HEMK2: variants seen among roughly 807,000 people sequenced by gnomAD.
HEMK2 encodes HemK methyltransferase 2, ETF1 glutamine and histone H4 lysine.
chr21:28,745,636 G>A, the HEMK2 span, among the ~76,000 whole-genome samples: 1 of 152,110 alleles, frequency 6.6e-6, no homozygotes, highest in Non-Finnish European at 1.5e-5. Flanking sequence ...CTGGATGAAT[G>A]CTCTAATGCT....
chr21:28,863,251 C>T, the HEMK2 span, among the ~76,000 whole-genome samples: 1 of 151,286 alleles, frequency 6.6e-6, no homozygotes, highest in Non-Finnish European at 1.5e-5. Context: ...GCCTTCCAGC[C>T]TATATCTTTC....
the HEMK2 span, among the ~76,000 whole-genome samples, chr21:28,730,017 A>G: frequency 5.3e-5 from 8 of 152,186 alleles, no homozygotes; most frequent in Non-Finnish European, 8.8e-5. Flanking sequence ...GAGATTAGCC[A>G]GACCTACCCA....
the HEMK2 span, among the ~76,000 whole-genome samples, chr21:28,613,296 A>T: frequency 6.6e-6 from 1 of 152,098 alleles, no homozygotes; most frequent in Non-Finnish European, 1.5e-5. Context: ...ACTTCCAGCA[A>T]ATTTTGACTC....
chr21:28,731,062 C>G, the HEMK2 span, among the ~76,000 whole-genome samples: 1 of 152,244 alleles, frequency 6.6e-6, no homozygotes, highest in African/African-American at 2.4e-5. Context: ...GTGTCATACC[C>G]ATCAATTGCA....
At chr21:28,840,718 AGTGAACAG>A in the HEMK2 span, among the ~76,000 whole-genome samples, 1 of 151,970 alleles carries the variant, frequency 6.6e-6, no homozygotes, top group African/African-American at 2.4e-5. Flanking sequence ...GAATGGATGC[AGTGAACAG>A]GGAACATTTC....
chr21:28,689,435 AG>A, the HEMK2 span, among the ~76,000 whole-genome samples: 1 of 152,204 alleles, frequency 6.6e-6, no homozygotes, highest in Non-Finnish European at 1.5e-5. Context: ...TTTCTTAAAA[AG>A]AAGGTTAAGT....
chr21:28,885,200 C>T, the HEMK2 span: 7 of 1,559,512 alleles, frequency 4.5e-6, no homozygotes, highest in Non-Finnish European at 6.1e-6. Flanking sequence ...AGAGCCCCTC[C>T]CCTCCTCGCA....
chr21:28,646,254 G>T, the HEMK2 span, among the ~76,000 whole-genome samples: 1 of 152,262 alleles, frequency 6.6e-6, no homozygotes, highest in African/African-American at 2.4e-5. Flanking sequence ...GTCATCTCAG[G>T]AAAAGCCTGA....
chr21:28,873,980 A>G, the HEMK2 span: 6 of 152,222 alleles, frequency 3.9e-5, no homozygotes, highest in Non-Finnish European at 7.3e-5. Context: ...GGACCTGTGA[A>G]TCCCAGTCAT....
At chr21:28,843,916 G>A in the HEMK2 span, among the ~76,000 whole-genome samples, 6 of 152,058 alleles carry the variant, frequency 3.9e-5, no homozygotes, top group Middle Eastern at 3.4e-3. Flanking sequence ...AATTTTAAGG[G>A]AATCTGAATT....
the HEMK2 span, among the ~76,000 whole-genome samples, chr21:28,841,286 A>AATATATATTATAT: frequency 1.3e-4 from 1 of 7,536 alleles, no homozygotes; most frequent in African/African-American, 1.9e-3. Context: ...ATTATATATA[A>AATATATATTATAT]TATATATTAT....
At chr21:28,760,603 C>T in the HEMK2 span, among the ~76,000 whole-genome samples, 1 of 152,154 alleles carries the variant, frequency 6.6e-6, no homozygotes, top group African/African-American at 2.4e-5. Context: ...ATAGCATTAA[C>T]TCAACATAAC....
At chr21:28,876,343 A>T in the HEMK2 span, 8 of 1,321,730 alleles carry the variant, frequency 6.1e-6, no homozygotes, top group Middle Eastern at 1.9e-4. Context: ...AAAATATGCT[A>T]AATGCATTCA....
chr21:28,731,797 T>C, the HEMK2 span, among the ~76,000 whole-genome samples: 1 of 134,868 alleles, frequency 7.4e-6, no homozygotes, highest in Non-Finnish European at 1.5e-5. Context: ...AGTCCCTTCA[T>C]GACATAGGGC....
At chr21:28,789,267 C>T in the HEMK2 span, among the ~76,000 whole-genome samples, 122 of 152,108 alleles carry the variant, frequency 8.0e-4, no homozygotes, top group Admixed American at 4.1e-3. Context: ...TTTTAATGCC[C>T]TACTGCTTTC....
At chr21:28,730,258 G>A in the HEMK2 span, among the ~76,000 whole-genome samples, 2 of 151,934 alleles carry the variant, frequency 1.3e-5, no homozygotes, top group South Asian at 2.1e-4. Flanking sequence ...GGATGAGCCT[G>A]TAGTCACAGC....
the HEMK2 span, among the ~76,000 whole-genome samples, chr21:28,868,461 C>T: frequency 1.2e-4 from 19 of 152,226 alleles, no homozygotes; most frequent in South Asian, 2.1e-4. Flanking sequence ...GTGGAAGGAT[C>T]GCTTGAGCTC....
the HEMK2 span, among the ~76,000 whole-genome samples, chr21:28,814,814 C>T: frequency 1.3e-5 from 2 of 152,064 alleles, no homozygotes; most frequent in Non-Finnish European, 2.9e-5. Context: ...ATGTGGAAGT[C>T]GGTGTGGCGA....
At chr21:28,817,728 C>T in the HEMK2 span, among the ~76,000 whole-genome samples, 1 of 152,162 alleles carries the variant, frequency 6.6e-6, no homozygotes, top group Non-Finnish European at 1.5e-5. Flanking sequence ...TAGCAGGGAA[C>T]ACTGACCCTT....
Sources: allele counts gnomAD v4.1 joint callset (sites outside exome capture counted in the v4.1 genomes callset), GRCh38; gene constraint gnomAD v4.1.1; transcripts MANE v1.5; gene names NCBI Gene and HGNC (gene_info 2026-07-23, HGNC 2026-07-21).